Variants in RBPJ observed in about 807,000 individuals in gnomAD.
RBPJ encodes the protein recombining binding protein suppressor of hairless.
In RBPJ, 9 loss-of-function variants were observed where a neutral mutation model predicts 67.8. The ratio of observed to expected loss-of-function variants is 0.13; its 90% CI spans 0.08 to 0.23. RBPJ has a LOEUF of 0.23. Ranked by LOEUF, RBPJ falls within the 10% of genes least tolerant of loss-of-function variation. The pLI, the probability that RBPJ is intolerant of heterozygous loss-of-function variation, is 1.00. For synonymous variants in RBPJ, 198 were observed against 203.3 expected, an observed-to-expected ratio of 0.97 and a Z score of 0.22; for missense variants, 305 against 595.6, an observed-to-expected ratio of 0.51 and a Z score of 5.08.
chr4:26,291,007 T>G (rs1022239351), intron 1 of RBPJ, among the ~76,000 whole-genome samples: 1 of 151,078 alleles, frequency 6.6e-6, no homozygotes, highest in African/African-American at 2.4e-5. Context: ...TTACTGGCTG[T>G]GAGCAAATAG....
intron 1 of RBPJ, among the ~76,000 whole-genome samples, chr4:26,210,520 G>A (rs1195780220): frequency 4.6e-5 from 7 of 152,074 alleles, no homozygotes; most frequent in East Asian, 1.9e-4. Flanking sequence ...GCTATATGAC[G>A]TTAATCATTT....
intron 1 of RBPJ, among the ~76,000 whole-genome samples, chr4:26,207,189 G>A (rs138314948): frequency 6.6e-6 from 1 of 152,280 alleles, no homozygotes; most frequent in East Asian, 1.9e-4. Context: ...AGCAGATGGT[G>A]CTTTGTAAAC....
the RBPJ span, among the ~76,000 whole-genome samples, chr4:26,107,591 G>A: frequency 1.2e-4 from 18 of 152,312 alleles, no homozygotes; most frequent in African/African-American, 4.1e-4. Flanking sequence ...CTTGGCCAAC[G>A]TGGCCCTCAG....
At chr4:26,352,513 A>G (rs1043042131) in intron 1 of RBPJ, among the ~76,000 whole-genome samples, 4 of 152,198 alleles carry the variant, frequency 2.6e-5, no homozygotes, top group Admixed American at 6.5e-5. Context: ...TAAAAATTCA[A>G]TCAAGGCTGG....
intron 1 of RBPJ, chr4:26,321,843 C>G (rs1045175132): frequency 1.3e-5 from 2 of 152,306 alleles, no homozygotes; most frequent in African/African-American, 4.8e-5. Context: ...ACTCCATCTG[C>G]TGCTTCTAAG....
chr4:26,405,740 T>A (rs940302708), intron 2 of RBPJ, among the ~76,000 whole-genome samples: 1 of 152,170 alleles, frequency 6.6e-6, no homozygotes, highest in Admixed American at 6.5e-5. Flanking sequence ...GCTTTTGTAT[T>A]CAATGAAAAA....
chr4:26,321,887 G>A (rs928091284), intron 1 of RBPJ: 1 of 152,056 alleles, frequency 6.6e-6, no homozygotes, highest in South Asian at 2.1e-4. Context: ...TTGTTTTGTG[G>A]GTCTGAAAGA....
At chr4:26,215,347 GAAAAAAA>G (rs1718671095) in intron 1 of RBPJ, among the ~76,000 whole-genome samples, 2 of 83,206 alleles carry the variant, frequency 2.4e-5, no homozygotes, top group African/African-American at 1.1e-4. Flanking sequence ...GAGAAAGAAA[GAAAAAAA>G]GAAGGAAGGA....
Position 26,355,373 on chromosome 4 carries a change from A to G in RBPJ, c.21-30980A>G, listed in dbSNP as rs188417004. Among the ~76,000 whole-genome samples the G allele has an allele frequency of 9.5e-4, 145 of 152,148 alleles. 1 individual carries two copies. Among genetic ancestry groups the G allele is most frequent in the African/African-American group, 3.1e-3 (128 of 41,504 alleles). ...AGGAGACATTTCTTAAAAACCTATT[A>G]TAAGGCTAAGTGTGGTAGCTCACAC... On this transcript the variant is annotated intron_variant, in intron 1 of 10. Coordinates refer to ENST00000355476, the MANE Select transcript of RBPJ (RefSeq NM_015874.6).
the RBPJ span, among the ~76,000 whole-genome samples, chr4:26,122,901 G>A: frequency 2.6e-5 from 4 of 152,144 alleles, no homozygotes; most frequent in Non-Finnish European, 4.4e-5. Flanking sequence ...AAAAGCAGAT[G>A]GTGGGCCAGA....
chr4:26,148,485 G>T, the RBPJ span, among the ~76,000 whole-genome samples: 1 of 152,168 alleles, frequency 6.6e-6, no homozygotes, highest in East Asian at 1.9e-4. Flanking sequence ...AAAGTAAAAG[G>T]CAAGTGTGAG....
the RBPJ span, among the ~76,000 whole-genome samples, chr4:26,118,228 C>T: frequency 6.6e-6 from 1 of 152,160 alleles, no homozygotes; most frequent in Non-Finnish European, 1.5e-5. Context: ...GAGATTCAGT[C>T]CTGCTCTGGA....
At chr4:26,181,210 T>C (rs1314597581) in intron 1 of RBPJ, among the ~76,000 whole-genome samples, 1 of 152,224 alleles carries the variant, frequency 6.6e-6, no homozygotes, top group Admixed American at 6.5e-5. Context: ...CGGATTTCTC[T>C]TCTGACTTTC....
intron 7 of RBPJ, among the ~76,000 whole-genome samples, chr4:26,425,927 TC>T (rs1577673233): frequency 6.6e-6 from 1 of 152,220 alleles, no homozygotes; most frequent in African/African-American, 2.4e-5. Context: ...TCTACAGTTT[TC>T]TAAGCCAGTG....
chr4:26,297,341 T>TGC (rs1721910655), intron 1 of RBPJ, among the ~76,000 whole-genome samples: 2 of 138,220 alleles, frequency 1.4e-5, no homozygotes. Flanking sequence ...ACTTTGTGTG[T>TGC]GTGTGTGTGT....
chr4:26,209,586 CCTCCCTTCCTCCTTCCCTCTCT>C (rs1441949668), intron 1 of RBPJ, among the ~76,000 whole-genome samples: 36 of 144,202 alleles, frequency 2.5e-4, no homozygotes, highest in Admixed American at 4.2e-4. Flanking sequence ...TCCCTGTCTC[CCTCCCTTCCTCCTTCCCTCTCT>C]CCCTCCCTTC....
intron 1 of RBPJ, among the ~76,000 whole-genome samples, chr4:26,299,319 C>T (rs1001114432): frequency 1.3e-5 from 2 of 152,070 alleles, no homozygotes; most frequent in African/African-American, 4.8e-5. Context: ...GAAGATTCAC[C>T]CAAATTTCAT....
At chr4:26,271,828 A>T (rs920115683) in intron 1 of RBPJ, among the ~76,000 whole-genome samples, 3 of 152,200 alleles carry the variant, frequency 2.0e-5, no homozygotes, top group African/African-American at 7.2e-5. Flanking sequence ...ATGTCCTTTC[A>T]TTCATTCTGC....
intron 1 of RBPJ, among the ~76,000 whole-genome samples, chr4:26,381,099 C>A (rs1380468332): frequency 2.4e-5 from 2 of 82,082 alleles, no homozygotes; most frequent in Non-Finnish European, 5.2e-5. Flanking sequence ...TTTTTTTTTT[C>A]CTTCTTTTTG....
Sources: allele counts gnomAD v4.1 joint callset (sites outside exome capture counted in the v4.1 genomes callset), GRCh38; gene constraint gnomAD v4.1.1; transcripts MANE v1.5; gene names NCBI Gene and HGNC (gene_info 2026-07-23, HGNC 2026-07-21).